Variants in MGAT4C observed in about 807,000 individuals in gnomAD.
MGAT4C encodes MGAT4 family member C.
Under a neutral mutation model 40.1 loss-of-function variants are expected in MGAT4C, and 19 were observed. That is an observed-to-expected ratio of 0.47 (90% CI 0.33 to 0.70). The LOEUF is 0.70. Among genes scored for constraint, MGAT4C ranks in the 30% least tolerant of loss-of-function variants. The probability of loss-of-function intolerance (pLI) is 0.02; values close to 1 mark genes in which losing one functional copy is unlikely to be tolerated. For missense variants in MGAT4C, 491 were observed against 563.2 expected (o/e 0.87, Z 1.30); for synonymous variants, 181 against 187.1 (o/e 0.97, Z 0.27).
intron 1 of MGAT4C, among the ~76,000 whole-genome samples, chr12:86,246,451 A>G (rs914192185): frequency 6.6e-6 from 1 of 152,192 alleles, no homozygotes; most frequent in African/African-American, 2.4e-5. Flanking sequence ...ATCTATAAAC[A>G]TGCTTATAAA....
At chr12:86,658,163 T>G (rs1593086745) in intron 2 of MGAT4C, among the ~76,000 whole-genome samples, 1 of 152,026 alleles carries the variant, frequency 6.6e-6, no homozygotes, top group East Asian at 1.9e-4. Context: ...CAAAATGTAC[T>G]GTTAGCATCA....
rs1451719522 is a variant in MGAT4C at position 86,694,040 on chromosome 12, C to T, written c.-229+33169G>A. On this transcript the variant is annotated intron_variant, in intron 2 of 7. Transcript: ENST00000548651. Reference sequence around the variant, plus strand: ...ATCCAAAGCAAAATAAGGAGGAATACACTTTTAACATGTAGCTTCTAAATT... The same window carrying T: ...ATCCAAAGCAAAATAAGGAGGAATATACTTTTAACATGTAGCTTCTAAATT... 2.0e-5 allele frequency among the ~76,000 whole-genome samples: 3 copies of T among 152,114 alleles called. No individual in the cohort carries two copies. In the East Asian group the frequency reaches 5.8e-4, roughly 29 times the overall value.
intron 2 of MGAT4C, among the ~76,000 whole-genome samples, chr12:86,669,822 CA>C (rs1006862108): frequency 6.6e-6 from 1 of 152,190 alleles, no homozygotes; most frequent in African/African-American, 2.4e-5. Flanking sequence ...AGAATATGCC[CA>C]GCCATGTTGG....
At chr12:86,388,873 A>T (rs1024662788) in intron 3 of MGAT4C, among the ~76,000 whole-genome samples, 1 of 151,650 alleles carries the variant, frequency 6.6e-6, no homozygotes, top group East Asian at 1.9e-4. Context: ...TAGTAAAGAC[A>T]TGGTTTCACC....
chr12:86,495,732 G>A (rs1301997191), intron 2 of MGAT4C, among the ~76,000 whole-genome samples: 1 of 151,950 alleles, frequency 6.6e-6, no homozygotes, highest in African/African-American at 2.4e-5. Context: ...AAGAGAAATT[G>A]ACCCTCCATG....
chr12:86,193,086 C>A (rs1446314195), intron 1 of MGAT4C, among the ~76,000 whole-genome samples: 2 of 151,948 alleles, frequency 1.3e-5, no homozygotes, highest in Admixed American at 6.6e-5. Flanking sequence ...TAAACTTCAA[C>A]TTTTATATGG....
At chr12:86,103,608 G>A (rs545267520) in intron 1 of MGAT4C, among the ~76,000 whole-genome samples, 1 of 152,196 alleles carries the variant, frequency 6.6e-6, no homozygotes, top group East Asian at 1.9e-4. Flanking sequence ...GGTAGCCACA[G>A]GAAGCTGATT....
intron 2 of MGAT4C, among the ~76,000 whole-genome samples, chr12:86,000,980 C>T (rs1050246908): frequency 6.6e-6 from 1 of 152,102 alleles, no homozygotes; most frequent in Admixed American, 6.6e-5. Flanking sequence ...ATTATTCCTG[C>T]GTTTGCACCA....
In MGAT4C at chr12:86,403,303, C is replaced by T. The variant is rs888129852; in HGVS notation, c.-120+31854G>A. Among the ~76,000 whole-genome samples the T allele has an allele frequency of 3.9e-5, 6 of 152,222 alleles. No homozygotes were observed. The East Asian group carries it at 9.6e-4, about 24-fold the overall frequency. ...TGCTTTAATATATTTAGACAATGGT[C>T]TGTAACCATGTAACGCTGATGGAAG... On this transcript the variant is annotated intron_variant, in intron 3 of 7. Transcript: ENST00000548651.
chr12:86,096,877 A>C (rs1874032766), intron 1 of MGAT4C, among the ~76,000 whole-genome samples: 2 of 151,558 alleles, frequency 1.3e-5, no homozygotes, highest in Non-Finnish European at 3.0e-5. Flanking sequence ...CAGTACCTGC[A>C]ATCATCTGTT....
In MGAT4C at chr12:86,365,382, T is replaced by A. The variant is rs147910944; in HGVS notation, c.-119-31255A>T. ...CAAACAATTTGTGCAGTTAATGCAA[T>A]CATCACAGGGGCCTGAGGCAACATA... On this transcript the variant is annotated intron_variant, in intron 3 of 7. Transcript: ENST00000548651. Among the ~76,000 whole-genome samples, 291 of 152,244 alleles carry A rather than the reference T, an allele frequency of 1.9e-3. 2 individuals carry two copies. Among genetic ancestry groups the A allele is most frequent in the African/African-American group, 6.7e-3 (278 of 41,546 alleles).
At chr12:86,280,205 C>T (rs1953180971) in intron 4 of MGAT4C, among the ~76,000 whole-genome samples, 1 of 151,850 alleles carries the variant, frequency 6.6e-6, no homozygotes, top group African/African-American at 2.4e-5. Context: ...GATTTTCTGC[C>T]TGAAAGATTT....
At chr12:86,816,022 G>T (rs1952599162) in intron 1 of MGAT4C, among the ~76,000 whole-genome samples, 2 of 151,850 alleles carry the variant, frequency 1.3e-5, no homozygotes, top group South Asian at 2.1e-4. Context: ...GAGAAAAAAA[G>T]AACAAATAAT....
exon 2 of MGAT4C, chr12:86,727,210 C>T (rs558202206): frequency 2.9e-4 from 44 of 152,100 alleles, no homozygotes; most frequent in African/African-American, 1.1e-3. Flanking sequence ...AGTACTTACC[C>T]ATCCAAGTAG....
At chr12:86,798,310 T>C (rs968373987) in intron 1 of MGAT4C, among the ~76,000 whole-genome samples, 2 of 151,934 alleles carry the variant, frequency 1.3e-5, no homozygotes, top group Non-Finnish European at 2.9e-5. Context: ...TTTTCTTAGT[T>C]TGTTTTGTCT....
rs555357561 is a variant in MGAT4C, at chr12:86,225,781, A to G, written c.-57+30458T>C. Reference sequence around the variant, plus strand: ...AAACTCCTCAACAAACTAGGCATTGAAGGAACATACCTCTAAATAATAAAG... The same window carrying G: ...AAACTCCTCAACAAACTAGGCATTGGAGGAACATACCTCTAAATAATAAAG... On this transcript the variant is annotated intron_variant, in intron 1 of 4. Transcript: ENST00000611864. Among the ~76,000 whole-genome samples the G allele has an allele frequency of 2.0e-5, 3 of 152,238 alleles. No individual in the cohort carries two copies. In the South Asian group the frequency reaches 6.2e-4, roughly 32 times the overall value.
chr12:86,807,276 C>T (rs1952374708), intron 1 of MGAT4C, among the ~76,000 whole-genome samples: 1 of 151,910 alleles, frequency 6.6e-6, no homozygotes, highest in South Asian at 2.1e-4. Context: ...TCTCTCTTCC[C>T]CCACTCCACC....
chr12:86,034,199 T>C (rs1891009748), intron 2 of MGAT4C, among the ~76,000 whole-genome samples: 1 of 149,828 alleles, frequency 6.7e-6, no homozygotes, highest in Non-Finnish European at 1.5e-5. Flanking sequence ...CCAAGGATAT[T>C]GGCATGAAGT....
chr12:86,055,392 G>T (rs144306868), intron 1 of MGAT4C, among the ~76,000 whole-genome samples: 10 of 152,110 alleles, frequency 6.6e-5, no homozygotes, highest in Non-Finnish European at 1.5e-4. Flanking sequence ...GAGAATATAT[G>T]AGCTGAAATT....
Sources: allele counts gnomAD v4.1 joint callset (sites outside exome capture counted in the v4.1 genomes callset), GRCh38; gene constraint gnomAD v4.1.1; transcripts MANE v1.5; gene names NCBI Gene and HGNC (gene_info 2026-07-23, HGNC 2026-07-21).